The following ST8SIA1 variants were observed in gnomAD, a reference collection of about 807,000 sequenced individuals.
The protein encoded by ST8SIA1 is ST8 alpha-N-acetyl-neuraminide alpha-2,8-sialyltransferase 1.
ST8SIA1 carries 16 observed loss-of-function variants against 35.9 expected under a neutral mutation model. The ratio of observed to expected loss-of-function variants is 0.45; its 90% CI spans 0.30 to 0.68. The LOEUF is 0.68. ST8SIA1 is among the 30% of genes least tolerant of loss of function. The probability of loss-of-function intolerance (pLI) is 0.09; values close to 1 mark genes in which losing one functional copy is unlikely to be tolerated. For missense variants in ST8SIA1, 383 were observed against 453.6 expected (o/e 0.84, Z 1.41); for synonymous variants, 170 against 169.6 (o/e 1.00, Z -0.02).
intron 2 of ST8SIA1, among the ~76,000 whole-genome samples, chr12:22,274,692 C>T (rs140164610): frequency 1.3e-5 from 2 of 152,340 alleles, no homozygotes; most frequent in African/African-American, 2.4e-5. Context: ...ACACACGCCA[C>T]GCTCTATCGT....
At chr12:22,203,764 C>T (rs1435098318) in intron 4 of ST8SIA1, among the ~76,000 whole-genome samples, 1 of 152,136 alleles carries the variant, frequency 6.6e-6, no homozygotes, top group African/African-American at 2.4e-5. Flanking sequence ...TTCCATCGCC[C>T]ACCCATATCT....
At chr12:22,226,961 G>T (rs1267813514) in intron 4 of ST8SIA1, among the ~76,000 whole-genome samples, 2 of 151,794 alleles carry the variant, frequency 1.3e-5, no homozygotes, top group Admixed American at 1.3e-4. Flanking sequence ...TGTTGTTGTT[G>T]TTTTGAGATG....
chr12:22,313,503 A>C (rs1483977870), intron 1 of ST8SIA1, among the ~76,000 whole-genome samples: 2 of 152,188 alleles, frequency 1.3e-5, no homozygotes, highest in African/African-American at 4.8e-5. Context: ...ACTCAAAATG[A>C]GAAGCAAGAG....
intron 4 of ST8SIA1, among the ~76,000 whole-genome samples, chr12:22,227,894 T>C (rs1865376430): frequency 1.3e-5 from 2 of 152,220 alleles, no homozygotes; most frequent in African/African-American, 4.8e-5. Flanking sequence ...CTACTCCAAC[T>C]GACAGGTTGT....
chr12:22,277,267 G>A (rs1006096148), intron 2 of ST8SIA1, among the ~76,000 whole-genome samples: 33 of 152,186 alleles, frequency 2.2e-4, no homozygotes, highest in African/African-American at 7.9e-4. Context: ...GTAGTGAAGA[G>A]TGAGTTAAGA....
chr12:22,306,219 T>C (rs1336367869), intron 1 of ST8SIA1, among the ~76,000 whole-genome samples: 1 of 152,178 alleles, frequency 6.6e-6, no homozygotes, highest in East Asian at 1.9e-4. Context: ...AACCAAGCTG[T>C]GCTCTGACCA....
At chr12:22,274,361 T>C (rs1865945306) in intron 2 of ST8SIA1, among the ~76,000 whole-genome samples, 1 of 152,150 alleles carries the variant, frequency 6.6e-6, no homozygotes, top group Non-Finnish European at 1.5e-5. Context: ...GCCCAGAAGA[T>C]AACTTTTGCA....
intron 2 of ST8SIA1, among the ~76,000 whole-genome samples, chr12:22,281,907 T>C (rs1985103): frequency 0.59 from 88,748 of 150,648 alleles, 27,533 homozygotes; most frequent in African/African-American, 0.78. Context: ...ACTTGGGAGG[T>C]GGAGGTGGGA....
intron 2 of ST8SIA1, among the ~76,000 whole-genome samples, chr12:22,259,563 T>C (rs1865764652): frequency 6.6e-6 from 1 of 152,116 alleles, no homozygotes; most frequent in East Asian, 1.9e-4. Context: ...CCTCCCAGGT[T>C]CACGCCATTC....
At chr12:22,280,572 T>G (rs1277135444) in intron 2 of ST8SIA1, among the ~76,000 whole-genome samples, 4 of 152,364 alleles carry the variant, frequency 2.6e-5, no homozygotes, top group African/African-American at 9.6e-5. Flanking sequence ...ATCTACACCA[T>G]GGCAAGATAG....
intron 1 of ST8SIA1, among the ~76,000 whole-genome samples, chr12:22,308,813 CA>C (rs1383704902): frequency 1.3e-5 from 2 of 152,084 alleles, no homozygotes; most frequent in African/African-American, 2.4e-5. Context: ...CCCTGATATC[CA>C]CGGCAGTCTC....
chr12:22,208,335 C>A (rs1382222726), intron 4 of ST8SIA1, among the ~76,000 whole-genome samples: 1 of 151,666 alleles, frequency 6.6e-6, no homozygotes, highest in Non-Finnish European at 1.5e-5. Flanking sequence ...GTTATAATTA[C>A]CTATCTAGAA....
At chr12:22,332,563 T>C (rs1049368305) in intron 1 of ST8SIA1, among the ~76,000 whole-genome samples, 2 of 152,194 alleles carry the variant, frequency 1.3e-5, no homozygotes, top group African/African-American at 2.4e-5. Context: ...CAATCAATAC[T>C]GTGAAGGAAA....
rs186907917 is a variant in ST8SIA1 at position 22,270,403 on chromosome 12, C to T, written c.382-15014G>A. Reference sequence around the variant, plus strand: ...AATCAAATTGAGAAAATATAACCAACCTACTCTTTGGTAGGTTTTCTCTAA... The same window carrying T: ...AATCAAATTGAGAAAATATAACCAATCTACTCTTTGGTAGGTTTTCTCTAA... On this transcript the variant is annotated intron_variant, in intron 2 of 4. Coordinates refer to ENST00000396037, the MANE Select transcript of ST8SIA1 (RefSeq NM_003034.4). Among the ~76,000 whole-genome samples, 33 of 152,320 alleles carry T rather than the reference C, an allele frequency of 2.2e-4. No homozygotes were observed. The East Asian group carries it at 5.6e-3, about 26-fold the overall frequency.
At position 22,329,820 on chromosome 12, in the gene ST8SIA1, T is replaced by C. The variant is rs180845214; in HGVS notation, c.236+4177A>G. 5.0e-4 allele frequency among the ~76,000 whole-genome samples: 76 copies of C among 152,060 alleles called. 1 individual carries two copies. Among genetic ancestry groups the C allele is most frequent in the Middle Eastern group, 3.4e-3 (1 of 294 alleles). On this transcript the variant is annotated intron_variant, in intron 1 of 4. Coordinates refer to ENST00000396037, the MANE Select transcript of ST8SIA1 (RefSeq NM_003034.4). Reference sequence around the variant, plus strand: ...AGAGTAACGGTTACCACCCAATGAGTCGACAGAATTTTCAAAACAACCACT... The same window carrying C: ...AGAGTAACGGTTACCACCCAATGAGCCGACAGAATTTTCAAAACAACCACT...
chr12:22,227,018 C>T (rs1053035343), intron 4 of ST8SIA1, among the ~76,000 whole-genome samples: 3 of 152,082 alleles, frequency 2.0e-5, no homozygotes, highest in African/African-American at 7.2e-5. Flanking sequence ...ATGATCTTGG[C>T]TCACTGCAAT....
At chr12:22,300,080 T>C (rs1458848423) in intron 1 of ST8SIA1, among the ~76,000 whole-genome samples, 2 of 152,172 alleles carry the variant, frequency 1.3e-5, no homozygotes, top group African/African-American at 4.8e-5. Context: ...TTTAAAAGAA[T>C]TATTTTTTAA....
chr12:22,274,525 T>A (rs1449654399), intron 2 of ST8SIA1, among the ~76,000 whole-genome samples: 1 of 152,162 alleles, frequency 6.6e-6, no homozygotes, highest in Non-Finnish European at 1.5e-5. Context: ...ATAATATATG[T>A]CTTAAAAGAG....
At chr12:22,277,696 G>T (rs548466585) in intron 2 of ST8SIA1, among the ~76,000 whole-genome samples, 1 of 152,104 alleles carries the variant, frequency 6.6e-6, no homozygotes, top group Admixed American at 6.6e-5. Context: ...TCTTGAATTA[G>T]TATAGATAAC....
Sources: allele counts gnomAD v4.1 joint callset (sites outside exome capture counted in the v4.1 genomes callset), GRCh38; gene constraint gnomAD v4.1.1; transcripts MANE v1.5; gene names NCBI Gene and HGNC (gene_info 2026-07-23, HGNC 2026-07-21).